Variants in CSRP1 observed in about 807,000 individuals in gnomAD.
The protein encoded by CSRP1 is cysteine and glycine rich protein 1, also known as cysteine and glycine-rich protein 1.
In CSRP1, 16 loss-of-function variants were observed where a neutral mutation model predicts 25.4. That is an observed-to-expected ratio of 0.63 (90% CI 0.43 to 0.96). The LOEUF (loss-of-function observed/expected upper bound fraction) is 0.96, where lower values mean the gene tolerates loss of function less well. Among genes scored for constraint, CSRP1 ranks in the 40% least tolerant of loss-of-function variants. CSRP1 has a pLI of 0.00. For missense variants in CSRP1, 212 were observed against 243.6 expected (o/e 0.87, Z 0.86); for synonymous variants, 97 against 95.3 (o/e 1.02, Z -0.10).
At chr1:201,506,001 T>C (rs1664813084) in intron 1 of CSRP1, among the ~76,000 whole-genome samples, 1 of 152,166 alleles carries the variant, frequency 6.6e-6, no homozygotes, top group African/African-American at 2.4e-5. Flanking sequence ...GGAGGTTCTG[T>C]GTAATATGCT....
Position 201,490,357 on chromosome 1 carries a change from A to G in CSRP1, c.113-13T>C. 23 of 1,612,160 alleles carry G rather than the reference A, an allele frequency of 1.4e-5. No homozygotes were observed. Among genetic ancestry groups the G allele is most frequent in the Non-Finnish European group, 2.0e-5 (23 of 1,178,588 alleles). Reference sequence around the variant, plus strand: ...TTCTTGCAGACCACTGTGGAGGGGAAGGGGAAGCGGACGCATTGAGTTGAA... The same window carrying G: ...TTCTTGCAGACCACTGTGGAGGGGAGGGGGAAGCGGACGCATTGAGTTGAA... On this transcript the variant is annotated splice_polypyrimidine_tract_variant and intron_variant, in intron 2 of 5. Transcript: ENST00000340006.
At chr1:201,499,410 G>C (rs924080496) in intron 1 of CSRP1, among the ~76,000 whole-genome samples, 9 of 152,180 alleles carry the variant, frequency 5.9e-5, no homozygotes, top group African/African-American at 1.4e-4. Context: ...TCAGGAACAG[G>C]CTGAGACCAT....
chr1:201,484,460 C>A lies in CSRP1; in HGVS notation c.*253G>T. 1.8e-6 allele frequency: 1 copy of A among 561,082 alleles called. No homozygotes were observed. The highest frequency in any genetic ancestry group is 3.2e-6 in the Non-Finnish European group (1 of 314,496). 34.8% of individuals were successfully genotyped at this position (561,082 alleles called of 1,614,324 possible). ...GGCGAGGTGTGGGGAGAGGGGCCTG[C>A]TCTCACCTAGACCCAAAACACTGAG... On this transcript the variant is annotated 3_prime_UTR_variant, in exon 6 of 6. Coordinates refer to ENST00000340006, the MANE Select transcript of CSRP1 (RefSeq NM_004078.3).
chr1:201,495,196 C>T (rs531878808), intron 2 of CSRP1, among the ~76,000 whole-genome samples: 6 of 152,272 alleles, frequency 3.9e-5, no homozygotes, highest in South Asian at 2.1e-4. Flanking sequence ...AGGAGCTCAA[C>T]GCCACCCTGG....
chr1:201,494,315 G>A (rs184532536), intron 2 of CSRP1, among the ~76,000 whole-genome samples: 79 of 152,204 alleles, frequency 5.2e-4, no homozygotes, highest in African/African-American at 1.8e-3. Context: ...CAACATCTGA[G>A]AGCAAAGAGA....
At chr1:201,504,256 G>T (rs1418354642) in intron 1 of CSRP1, among the ~76,000 whole-genome samples, 2 of 152,162 alleles carry the variant, frequency 1.3e-5, no homozygotes, top group African/African-American at 2.4e-5. Context: ...CTGAGCCTCA[G>T]TTTCTCCATT....
rs556433538 is a variant in CSRP1 at position 201,485,460 on chromosome 1, A to T, written c.412-84T>A. 7.5e-5 allele frequency: 93 copies of T among 1,237,724 alleles called. 1 individual carries two copies. In the Middle Eastern group the frequency reaches 1.6e-3, roughly 22 times the overall value. The allele number at this position is 1,237,724 out of a possible 1,614,324, so 76.7% of individuals were successfully genotyped here. A position where few individuals can be genotyped will look rare whatever the true frequency, so the allele number is the denominator to read the frequency against. On this transcript the variant is annotated intron_variant, in intron 4 of 5. Transcript: ENST00000340006. The stretch of plus-strand genomic sequence containing the variant: ...CAGGCCCACTCCCTTTGACATAACC[A>T]TGGTATAAGGGCTCAAGCCACTTCT...
Position 201,484,747 on chromosome 1 carries a change from C to G in CSRP1, c.548G>C (p.Gly183Ala), listed in dbSNP as rs1438478869. The G allele has an allele frequency of 1.2e-6, 2 of 1,611,932 alleles. No individual in the cohort carries two copies. Among genetic ancestry groups the G allele is most frequent in the Admixed American group, 1.7e-5 (1 of 59,844 alleles). Residue 183 changes from glycine (G) to alanine (A), a missense_variant, in exon 6 of 6, where the codon GGG (glycine) becomes GCG (alanine). Gly to Ala is a moderately conservative substitution (Grantham distance 60). Coordinates refer to ENST00000340006, the MANE Select transcript of CSRP1 (RefSeq NM_004078.3). Reference sequence around the variant, plus strand: ...GTGGACCAAGGCCCCAGCTCCTTGCCCAAAACCAAAGCCCTTGGGCCCGAA... The same window carrying G: ...GTGGACCAAGGCCCCAGCTCCTTGCGCAAAACCAAAGCCCTTGGGCCCGAA... The part of the protein sequence containing the change: ...KNFGPKGFGF[G>A]QGAGALVHSE
At chr1:201,487,836 G>A (rs1209942496) in intron 4 of CSRP1, 1 of 152,194 alleles carries the variant, frequency 6.6e-6, no homozygotes, top group East Asian at 1.9e-4. Context: ...GTACAACAGG[G>A]ATACTAATCC....
At chr1:201,502,303 T>G (rs1296348322) in intron 1 of CSRP1, among the ~76,000 whole-genome samples, 1 of 152,242 alleles carries the variant, frequency 6.6e-6, no homozygotes, top group Non-Finnish European at 1.5e-5. Flanking sequence ...TCGCATTAGC[T>G]GAGCTGCTTG....
At chr1:201,492,169 G>A (rs1442013490) in intron 2 of CSRP1, 1 of 152,258 alleles carries the variant, frequency 6.6e-6, no homozygotes, top group East Asian at 1.9e-4. Flanking sequence ...AAAATTCCAA[G>A]ACCAGAGAGA....
At chr1:201,497,358 CAAAAAAAAAAA>C (rs71564149) in intron 1 of CSRP1, among the ~76,000 whole-genome samples, 4 of 44,582 alleles carry the variant, frequency 9.0e-5, no homozygotes, top group East Asian at 8.3e-4. Flanking sequence ...GACTCTGTCT[CAAAAAAAAAAA>C]AAAAAAAAAA....
At chr1:201,493,729 G>A (rs1664413743) in intron 2 of CSRP1, among the ~76,000 whole-genome samples, 4 of 152,224 alleles carry the variant, frequency 2.6e-5, no homozygotes, top group Admixed American at 2.6e-4. Context: ...TGGCCAATGA[G>A]GGAGATGGCC....
rs532770248 is a variant in CSRP1, at chr1:201,496,087, C to T, written c.112+105G>A. ...CTTCAGCCAAATGTCAAGCTGTTTA[C>T]ATCCCATGGGATCAGTTCCCTGGGG... On this transcript the variant is annotated intron_variant, in intron 2 of 5. Coordinates refer to ENST00000340006, the MANE Select transcript of CSRP1 (RefSeq NM_004078.3). 140 of 823,624 alleles carry T rather than the reference C, an allele frequency of 1.7e-4. 1 individual carries two copies. In the South Asian group the frequency reaches 1.9e-3, roughly 11 times the overall value. The allele number at this position is 823,624 out of a possible 1,614,324, so 51.0% of individuals were successfully genotyped here. A position where few individuals can be genotyped will look rare whatever the true frequency, so the allele number is the denominator to read the frequency against.
rs1284700944 is a variant in CSRP1 at position 201,488,920 on chromosome 1, A to G, written c.346T>C (p.Ser116Pro). 6.2e-7 allele frequency: 1 copy of G among 1,614,174 alleles called. No homozygotes were observed. The highest frequency in any genetic ancestry group is 1.1e-5 in the South Asian group (1 of 91,086). ...TGGCTGCATCGGGGGCAGCGCTCGG[A>G]GCCACCAATCTTCTGGGCAAATTTG... ...ASKFAQKIGGSERCPRCSQAV... is the reference protein window; with the variant it reads ...ASKFAQKIGGPERCPRCSQAV... Residue 116 changes from serine to proline, a missense_variant, in exon 4 of 6, where the codon TCC becomes CCC. Physicochemically the swap from Ser to Pro is moderately conservative, Grantham distance 74. Transcript: ENST00000340006.
At position 201,490,285 on chromosome 1, in the gene CSRP1, A is replaced by G; in HGVS notation, c.172T>C (p.Cys58Arg). The G allele has an allele frequency of 1.2e-6, 2 of 1,614,172 alleles. No homozygotes were observed. The highest frequency in any genetic ancestry group is 1.7e-6 in the Non-Finnish European group (2 of 1,180,032). ...TVAVHGEEIY[C>R]KSCYGKKYGP... is the part of the protein sequence containing the mutation. ...TACTTCTTGCCGTAGCAGGACTTGCAGTAAATCTCCTCACCATGCACGGCC... is the reference window on the plus strand; with the variant it reads ...TACTTCTTGCCGTAGCAGGACTTGCGGTAAATCTCCTCACCATGCACGGCC... Residue 58 changes from cysteine (C) to arginine (R), a missense_variant, in exon 3 of 6, where the codon TGC (cysteine) becomes CGC (arginine). Coordinates refer to ENST00000340006, the MANE Select transcript of CSRP1 (RefSeq NM_004078.3).
chr1:201,503,068 C>T (rs1231475257), intron 1 of CSRP1, among the ~76,000 whole-genome samples: 1 of 152,086 alleles, frequency 6.6e-6, no homozygotes, highest in Non-Finnish European at 1.5e-5. Flanking sequence ...ATTGCTTGAA[C>T]CCGGAGGCAG....
intron 2 of CSRP1, among the ~76,000 whole-genome samples, chr1:201,493,917 G>T (rs996261665): frequency 6.6e-6 from 1 of 152,216 alleles, no homozygotes; most frequent in Non-Finnish European, 1.5e-5. Flanking sequence ...TGTGCCAGGT[G>T]CTGTGTTAGG....
chr1:201,498,520 C>T (rs1013657098), intron 1 of CSRP1, among the ~76,000 whole-genome samples: 2 of 152,192 alleles, frequency 1.3e-5, no homozygotes, highest in African/African-American at 4.8e-5. Context: ...GAGAGCCCAC[C>T]CTCCTGGTAA....
Sources: gnomAD v4.1 joint callset for allele counts (sites outside exome capture counted in the v4.1 genomes callset) on GRCh38, gnomAD v4.1.1 for gene constraint, MANE v1.5 for transcripts, NCBI Gene and HGNC (gene_info 2026-07-23, HGNC 2026-07-21) for gene names.